The following CSMD3 variants were observed in gnomAD, a reference collection of about 807,000 sequenced individuals.
CSMD3 encodes CUB and sushi domain-containing protein 3.
Under a neutral mutation model 435.2 loss-of-function variants are expected in CSMD3, and 177 were observed. The ratio of observed to expected loss-of-function variants is 0.41; its 90% confidence interval spans 0.36 to 0.46. The LOEUF is 0.46. Among genes scored for constraint, CSMD3 ranks in the 20% least tolerant of loss-of-function variants. The pLI, the probability that CSMD3 is intolerant of heterozygous loss-of-function variation, is 0.34. For synonymous variants in CSMD3, 1,656 were observed against 1,520.5 expected, an observed-to-expected ratio of 1.09 and a Z score of -2.07; for missense variants, 4,265 against 4,504.6, an observed-to-expected ratio of 0.95 and a Z score of 1.52.
intron 4 of CSMD3, among the ~76,000 whole-genome samples, chr8:113,154,001 T>TTAAC (rs574124256): frequency 2.5e-4 from 38 of 152,142 alleles, no homozygotes; most frequent in African/African-American, 8.2e-4. Flanking sequence ...CAAAATAAGA[T>TTAAC]TAACTACATC....
At chr8:113,018,182 T>C (rs1170537076) in intron 6 of CSMD3, among the ~76,000 whole-genome samples, 1 of 152,056 alleles carries the variant, frequency 6.6e-6, no homozygotes, top group Non-Finnish European at 1.5e-5. Context: ...ATCTTATTAA[T>C]AGAACAGCTT....
chr8:113,346,443 C>A (rs1167063992), intron 1 of CSMD3, among the ~76,000 whole-genome samples: 2 of 152,196 alleles, frequency 1.3e-5, no homozygotes, highest in South Asian at 4.1e-4. Flanking sequence ...TCCTCTGATT[C>A]TTTGTCATAA....
chr8:113,030,332 C>T (rs112099558), intron 5 of CSMD3, among the ~76,000 whole-genome samples: 1 of 127,228 alleles, frequency 7.9e-6, no homozygotes, highest in African/African-American at 3.0e-5. Context: ...CAAGACTAAG[C>T]AAAAAGAACA....
At chr8:112,299,208 C>T (rs1820666937) in intron 53 of CSMD3, among the ~76,000 whole-genome samples, 1 of 152,068 alleles carries the variant, frequency 6.6e-6, no homozygotes, top group South Asian at 2.1e-4. Context: ...AGGAGAGTTG[C>T]ACAGTGACCG....
chr8:113,116,371 C>T (rs938792679), intron 4 of CSMD3, among the ~76,000 whole-genome samples: 2 of 152,254 alleles, frequency 1.3e-5, no homozygotes, highest in African/African-American at 4.8e-5. Flanking sequence ...TCCTTTCTTC[C>T]GCCATGTGAA....
intron 11 of CSMD3, among the ~76,000 whole-genome samples, chr8:112,832,326 ATTAGT>A (rs1163727666): frequency 6.6e-6 from 1 of 152,174 alleles, no homozygotes; most frequent in Non-Finnish European, 1.5e-5. Flanking sequence ...CAATCCTATG[ATTAGT>A]TTATATTATA....
chr8:112,361,550 T>C (rs1283119202), intron 38 of CSMD3, among the ~76,000 whole-genome samples: 7 of 144,452 alleles, frequency 4.8e-5, no homozygotes, highest in African/African-American at 1.8e-4. Context: ...AATAAAAGTG[T>C]GTATGTATAT....
At chr8:112,373,565 T>C (rs1828655244) in intron 38 of CSMD3, among the ~76,000 whole-genome samples, 1 of 152,066 alleles carries the variant, frequency 6.6e-6, no homozygotes, top group Non-Finnish European at 1.5e-5. Context: ...CACAGTTTTC[T>C]CTTCCAGAGG....
intron 30 of CSMD3, among the ~76,000 whole-genome samples, chr8:112,497,073 G>A (rs1468788818): frequency 6.6e-6 from 1 of 151,864 alleles, no homozygotes; most frequent in East Asian, 1.9e-4. Context: ...CTCCCTAAAT[G>A]TATATACCTA....
At chr8:112,538,668 A>C (rs1826365600) in intron 27 of CSMD3, among the ~76,000 whole-genome samples, 1 of 152,152 alleles carries the variant, frequency 6.6e-6, no homozygotes, top group Non-Finnish European at 1.5e-5. Flanking sequence ...CTACAATGAA[A>C]TTTATAAAAC....
intron 14 of CSMD3, 51 bp from the exon 15 acceptor site, chr8:112,685,783 T>G (rs2075997608): frequency 8.0e-6 from 9 of 1,121,602 alleles, no homozygotes; most frequent in African/African-American, 3.1e-5. Context: ...AAAATAATAT[T>G]TCATCTTATT....
At chr8:112,406,240 G>T (rs954439568) in intron 35 of CSMD3, among the ~76,000 whole-genome samples, 5 of 151,956 alleles carry the variant, frequency 3.3e-5, no homozygotes, top group South Asian at 4.1e-4. Flanking sequence ...CAGATTCTAT[G>T]TTCCTGGAAA....
chr8:113,120,227 C>G (rs1440774064), intron 4 of CSMD3, among the ~76,000 whole-genome samples: 1 of 151,972 alleles, frequency 6.6e-6, no homozygotes, highest in Non-Finnish European at 1.5e-5. Context: ...ATACAGAAAG[C>G]TCCTGTGAAA....
intron 35 of CSMD3, among the ~76,000 whole-genome samples, chr8:112,405,234 T>TATGTGTATATATATATATATATAC (rs1563904557): frequency 4.3e-5 from 4 of 93,578 alleles, no homozygotes; most frequent in African/African-American, 1.9e-4. Context: ...TATATATATA[T>TATGTGTATATATATATATATATAC]ATATATATAT....
Position 112,411,416 on chromosome 8 carries a change from A to C in CSMD3, c.5396-2384T>G, listed in dbSNP as rs1811335976. 2.0e-5 allele frequency among the ~76,000 whole-genome samples: 3 copies of C among 151,934 alleles called. No homozygotes were observed. In the South Asian group the frequency reaches 6.2e-4, roughly 31 times the overall value. On this transcript the variant is annotated intron_variant, in intron 32 of 70. Coordinates refer to ENST00000297405, the MANE Select transcript of CSMD3 (RefSeq NM_198123.2). Reference sequence around the variant, plus strand: ...ATCTTGCCTTATTAAGCAATGAGCAAGCCACTTTTCTTTAAAAGCAATCAA... The same window carrying C: ...ATCTTGCCTTATTAAGCAATGAGCACGCCACTTTTCTTTAAAAGCAATCAA...
intron 7 of CSMD3, among the ~76,000 whole-genome samples, chr8:112,960,068 A>T (rs1015076194): frequency 6.6e-6 from 1 of 151,854 alleles, no homozygotes; most frequent in Non-Finnish European, 1.5e-5. Context: ...TATTCCAGAG[A>T]TTTAAATGTG....
chr8:112,340,628 A>C (rs1824998790), intron 42 of CSMD3, among the ~76,000 whole-genome samples: 1 of 152,150 alleles, frequency 6.6e-6, no homozygotes, highest in Non-Finnish European at 1.5e-5. Flanking sequence ...TAAAAATTTC[A>C]GCCATTAGAA....
At chr8:112,917,634 C>T (rs989239580) in intron 10 of CSMD3, among the ~76,000 whole-genome samples, 9 of 151,742 alleles carry the variant, frequency 5.9e-5, no homozygotes, top group East Asian at 1.9e-4. Context: ...ATCCATAAAG[C>T]GAGACTTTAA....
At chr8:112,761,767 TTAA>T (rs1225423157) in intron 13 of CSMD3, among the ~76,000 whole-genome samples, 1 of 152,080 alleles carries the variant, frequency 6.6e-6, no homozygotes, top group African/African-American at 2.4e-5. Flanking sequence ...TGCTAGTGTA[TTAA>T]TACACCATGT....
Sources: allele counts gnomAD v4.1 joint callset (sites outside exome capture counted in the v4.1 genomes callset), GRCh38; gene constraint gnomAD v4.1.1; transcripts MANE v1.5; gene names NCBI Gene and HGNC (gene_info 2026-07-23, HGNC 2026-07-21).